NR6A1: variants seen among roughly 807,000 people sequenced by gnomAD.
NR6A1 encodes retinoic acid receptor-related testis-associated receptor.
Under a neutral mutation model 59.1 loss-of-function variants are expected in NR6A1, and 7 were observed. The observed-to-expected ratio is 0.12, with a 90% CI of 0.07 to 0.22. The LOEUF (loss-of-function observed/expected upper bound fraction) is 0.22. NR6A1 is among the 10% of genes least tolerant of loss of function. The probability of loss-of-function intolerance (pLI) is 1.00; values close to 1 mark genes in which losing one functional copy is unlikely to be tolerated. For synonymous variants in NR6A1, 243 were observed against 236.1 expected, an observed-to-expected ratio of 1.03 and a Z score of -0.27; for missense variants, 468 against 611.6, an observed-to-expected ratio of 0.77 and a Z score of 2.48.
At position 124,663,024 on chromosome 9, in the gene NR6A1, C is replaced by T. The variant is rs1047230073; in HGVS notation, c.142+70284G>A. On this transcript the variant is annotated intron_variant, in intron 2 of 9. Transcript: ENST00000487099. ...CCCTTGCTGAGATGACAGAAGCATA[C>T]AGAAAAACTTTAAATGAAAATCCTT... is the stretch of plus-strand genomic sequence containing the variant. Among the ~76,000 whole-genome samples the T allele has an allele frequency of 2.0e-5, 3 of 152,170 alleles. No homozygotes were observed. The East Asian group carries it at 5.8e-4, about 29-fold the overall frequency.
chr9:124,706,953 A>G (rs1189170066), intron 2 of NR6A1, among the ~76,000 whole-genome samples: 1 of 152,062 alleles, frequency 6.6e-6, no homozygotes, highest in Non-Finnish European at 1.5e-5. Context: ...CGTTGCTTTC[A>G]AGATTTTCTC....
At chr9:124,675,686 C>A (rs1837933292) in intron 2 of NR6A1, among the ~76,000 whole-genome samples, 1 of 152,176 alleles carries the variant, frequency 6.6e-6, no homozygotes, top group Non-Finnish European at 1.5e-5. Flanking sequence ...GTGTGTAATT[C>A]TTTCTGCTCA....
At chr9:124,544,870 T>A (rs1423882013) in intron 3 of NR6A1, among the ~76,000 whole-genome samples, 1 of 152,204 alleles carries the variant, frequency 6.6e-6, no homozygotes, top group Admixed American at 6.5e-5. Flanking sequence ...GTGGTCATAT[T>A]GGGATTTTTA....
chr9:124,599,716 C>T, intron 2 of NR6A1: 1 of 503,888 alleles, frequency 2.0e-6, no homozygotes, highest in Non-Finnish European at 2.9e-6. Context: ...CTTAGTTAAC[C>T]ACCAAGAGAT....
intron 2 of NR6A1, among the ~76,000 whole-genome samples, chr9:124,615,616 G>GT (rs1299825362): frequency 2.0e-5 from 3 of 149,924 alleles, no homozygotes; most frequent in Non-Finnish European, 4.4e-5. Flanking sequence ...AAATATAAGG[G>GT]TTTTTGCCTT....
chr9:124,672,106 C>A (rs116341946), intron 2 of NR6A1, among the ~76,000 whole-genome samples: 1 of 152,122 alleles, frequency 6.6e-6, no homozygotes, highest in Non-Finnish European at 1.5e-5. Flanking sequence ...GTCTGGGAGA[C>A]GCAACCATGC....
At chr9:124,668,853 G>A (rs962709484) in intron 2 of NR6A1, among the ~76,000 whole-genome samples, 7 of 151,960 alleles carry the variant, frequency 4.6e-5, no homozygotes, top group Admixed American at 1.3e-4. Flanking sequence ...TCCTAAGCTC[G>A]CAAACACTGA....
At chr9:124,604,713 G>C (rs963985264) in intron 2 of NR6A1, among the ~76,000 whole-genome samples, 2 of 152,094 alleles carry the variant, frequency 1.3e-5, no homozygotes, top group East Asian at 1.9e-4. Context: ...AGGAGGCTGA[G>C]ATGGGAGGAT....
intron 2 of NR6A1, among the ~76,000 whole-genome samples, chr9:124,575,644 C>T (rs902849171): frequency 2.0e-5 from 3 of 152,094 alleles, no homozygotes; most frequent in Admixed American, 1.3e-4. Context: ...GCTTAATCTA[C>T]ATGTCTTAGT....
chr9:124,619,128 TA>T (rs1333882355), intron 2 of NR6A1, among the ~76,000 whole-genome samples: 1 of 152,052 alleles, frequency 6.6e-6, no homozygotes, highest in African/African-American at 2.4e-5. Context: ...ATGAATGAAA[TA>T]AATCCTGGCA....
Position 124,524,879 on chromosome 9 carries a change from GA to G in NR6A1, c.1202-7del, listed in dbSNP as rs200630959. On this transcript the variant is annotated splice_polypyrimidine_tract_variant and splice_region_variant and intron_variant, in intron 8 of 9. Transcript: ENST00000487099. ...ACTGGTCAGACCCCTGATATCTGTG[GA>G]AAAAAAAAAAACACACACACACATA... The G allele has an allele frequency of 8.9e-3, 11,343 of 1,281,492 alleles. No individual in the cohort carries two copies. The highest frequency in any genetic ancestry group is 0.019 in the Admixed American group (797 of 42,180). 79.4% of individuals were successfully genotyped at this position (1,281,492 alleles called of 1,614,324 possible).
chr9:124,555,378 G>T (rs1275663312), intron 2 of NR6A1, among the ~76,000 whole-genome samples: 2 of 152,150 alleles, frequency 1.3e-5, no homozygotes, highest in Non-Finnish European at 2.9e-5. Context: ...ACCAGGGAAG[G>T]TTCCGATCAG....
Position 124,663,357 on chromosome 9 carries a change from C to T in NR6A1, c.142+69951G>A, listed in dbSNP as rs140813037. The stretch of plus-strand genomic sequence containing the variant: ...GATTCTTAAATTCGGATGCCATTCT[C>T]AGCCTATCTTATGCCTGCTTGGTGC... On this transcript the variant is annotated intron_variant, in intron 2 of 9. Coordinates refer to ENST00000487099, the MANE Select transcript of NR6A1 (RefSeq NM_033334.4). Among the ~76,000 whole-genome samples the T allele has an allele frequency of 1.3e-3, 195 of 152,278 alleles. 1 individual carries two copies. The highest frequency in any genetic ancestry group is 4.4e-3 in the African/African-American group (182 of 41,556).
intron 2 of NR6A1, chr9:124,698,457 C>CA (rs1477542213): frequency 6.6e-6 from 1 of 152,084 alleles, no homozygotes; most frequent in African/African-American, 2.4e-5. Context: ...GGGAGGTGGT[C>CA]ACTTTGGAGG....
At chr9:124,670,354 ACTC>A (rs1456601298) in intron 2 of NR6A1, among the ~76,000 whole-genome samples, 2 of 152,154 alleles carry the variant, frequency 1.3e-5, no homozygotes, top group Non-Finnish European at 2.9e-5. Flanking sequence ...AGGCCATTGT[ACTC>A]CAACCTAAAA....
intron 2 of NR6A1, among the ~76,000 whole-genome samples, chr9:124,606,563 T>G (rs988942000): frequency 6.6e-6 from 1 of 152,192 alleles, no homozygotes; most frequent in Admixed American, 6.5e-5. Flanking sequence ...AAACTTGGTA[T>G]CAAATAGCAA....
chr9:124,569,124 A>C (rs1834365957), intron 2 of NR6A1, among the ~76,000 whole-genome samples: 1 of 152,152 alleles, frequency 6.6e-6, no homozygotes, highest in Non-Finnish European at 1.5e-5. Context: ...AAAAAAAATG[A>C]GCCTCAGTGC....
At chr9:124,738,051 C>G (rs1840064134) in intron 1 of NR6A1, among the ~76,000 whole-genome samples, 1 of 152,040 alleles carries the variant, frequency 6.6e-6, no homozygotes. Context: ...GCCAGGAGTT[C>G]AAGACCAGCC....
chr9:124,726,516 C>T (rs1477857648), intron 2 of NR6A1, among the ~76,000 whole-genome samples: 1 of 152,180 alleles, frequency 6.6e-6, no homozygotes, highest in Non-Finnish European at 1.5e-5. Context: ...AAAGCTACAT[C>T]GGCCACATTT....
Sources: allele counts gnomAD v4.1 joint callset (sites outside exome capture counted in the v4.1 genomes callset), GRCh38; gene constraint gnomAD v4.1.1; transcripts MANE v1.5; gene names NCBI Gene and HGNC (gene_info 2026-07-23, HGNC 2026-07-21).